The following CHD1L variants were observed in gnomAD, a reference collection of about 807,000 sequenced individuals.
CHD1L encodes the protein chromodomain helicase DNA binding protein 1 like.
A neutral mutation model predicts 115.9 loss-of-function variants in CHD1L; 118 were observed. That is an observed-to-expected ratio of 1.02 (90% CI 0.88 to 1.19). CHD1L has a LOEUF of 1.19. Ranked by LOEUF, CHD1L falls within the 50% of genes most tolerant of loss-of-function variation. The pLI is 0.00. For synonymous variants in CHD1L, 411 were observed against 387.1 expected (o/e 1.06, Z -0.72); for missense variants, 1,179 against 1,065.3 (o/e 1.11, Z -1.49).
the CHD1L span, chr1:147,201,401 C>T: frequency 6.2e-7 from 1 of 1,614,138 alleles, no homozygotes; most frequent in Non-Finnish European, 8.5e-7. Flanking sequence ...TCAAATATGG[C>T]AGCTGTCTCC....
the CHD1L span, among the ~76,000 whole-genome samples, chr1:147,202,551 C>G: frequency 6.6e-6 from 1 of 152,022 alleles, no homozygotes; most frequent in Non-Finnish European, 1.5e-5. Context: ...AACTCCTGAC[C>G]TCGTGATCCT....
intron 14 of CHD1L, among the ~76,000 whole-genome samples, chr1:147,279,394 G>A (rs587677981): frequency 2.2e-4 from 34 of 152,286 alleles, no homozygotes; most frequent in Middle Eastern, 3.4e-3. Context: ...TAGGCTGAGA[G>A]TACTCCAGAG....
At chr1:147,276,332 A>C (rs1678463665) in intron 14 of CHD1L, 75 bp downstream of exon 14, 3 of 1,341,332 alleles carry the variant, frequency 2.2e-6, no homozygotes, top group South Asian at 1.3e-5. Context: ...AATGAAAAGA[A>C]CCAGCACTCA....
chr1:147,215,865 A>C, the CHD1L span: 1 of 1,613,508 alleles, frequency 6.2e-7, no homozygotes, highest in Non-Finnish European at 8.5e-7. Context: ...TTGGATAGTC[A>C]CTGAAGCACA....
At chr1:147,206,937 A>AAT in the CHD1L span, among the ~76,000 whole-genome samples, 5 of 151,782 alleles carry the variant, frequency 3.3e-5, no homozygotes, top group East Asian at 1.9e-4. Context: ...GTATAATAAA[A>AAT]ATATATATAT....
chr1:147,191,498 G>C, the CHD1L span, among the ~76,000 whole-genome samples: 2 of 151,814 alleles, frequency 1.3e-5, no homozygotes, highest in African/African-American at 4.8e-5. Context: ...AGAAGTGTCT[G>C]TTCATATCCT....
At chr1:147,203,875 T>C in the CHD1L span, 1 of 1,581,740 alleles carries the variant, frequency 6.3e-7, no homozygotes, top group South Asian at 1.1e-5. Context: ...CTCCAACTTC[T>C]GAGAGGTAAA....
intron 20 of CHD1L, 25 bp from the exon 21 acceptor site, chr1:147,293,583 G>A: frequency 1.3e-6 from 2 of 1,598,836 alleles, no homozygotes; most frequent in Non-Finnish European, 1.7e-6. Flanking sequence ...TGTTGGGTTG[G>A]TCATCTAATG....
At chr1:147,186,591 T>G in the CHD1L span, 1 of 1,057,438 alleles carries the variant, frequency 9.5e-7, no homozygotes. Context: ...ACAACAAACA[T>G]TTATTAAGCA....
intron 6 of CHD1L, among the ~76,000 whole-genome samples, chr1:147,263,421 C>T: frequency 1.3e-5 from 1 of 79,266 alleles, no homozygotes; most frequent in Admixed American, 1.7e-4. Flanking sequence ...AGAGCAAGAC[C>T]CTGTCTCAAA....
intron 14 of CHD1L, among the ~76,000 whole-genome samples, chr1:147,278,576 A>G (rs1553959701): frequency 6.7e-6 from 1 of 149,374 alleles, no homozygotes; most frequent in Non-Finnish European, 1.5e-5. Context: ...TGTGGTTCTG[A>G]TTTGGTAAAT....
chr1:147,229,516 T>A, the CHD1L span, among the ~76,000 whole-genome samples: 1 of 152,208 alleles, frequency 6.6e-6, no homozygotes, highest in Admixed American at 6.5e-5. Context: ...CCATATGAAC[T>A]TTAAAGTAGT....
At chr1:147,191,864 A>G in the CHD1L span, among the ~76,000 whole-genome samples, 2 of 152,038 alleles carry the variant, frequency 1.3e-5, no homozygotes, top group Non-Finnish European at 2.9e-5. Context: ...TGTTCCATTG[A>G]TCTATATCTC....
intron 2 of CHD1L, 56 bp from the exon 3 acceptor site, chr1:147,254,814 G>C: frequency 1.6e-6 from 2 of 1,279,384 alleles, no homozygotes; most frequent in South Asian, 3.0e-5. Flanking sequence ...GGAACTTCAT[G>C]GTTGTTTCTC....
chr1:147,201,569 A>C, the CHD1L span: 1 of 1,361,468 alleles, frequency 7.3e-7, no homozygotes, highest in Non-Finnish European at 1.0e-6. Flanking sequence ...CACATAAGTA[A>C]AATTTTGCTT....
intron 14 of CHD1L, among the ~76,000 whole-genome samples, chr1:147,276,853 T>C (rs1678676355): frequency 6.6e-6 from 1 of 152,176 alleles, no homozygotes; most frequent in African/African-American, 2.4e-5. Flanking sequence ...TAATATTTCC[T>C]GGATGCTTTG....
rs782241468 is a variant in CHD1L at position 147,280,020 on chromosome 1, T to G, written c.1540-6T>G. 5 of 1,613,698 alleles carry G rather than the reference T, an allele frequency of 3.1e-6. No individual in the cohort carries two copies. The South Asian group carries it at 4.4e-5, about 14-fold the overall frequency. The stretch of plus-strand genomic sequence containing the variant: ...TTGCTGGACTTTTTTGTTTCCTCTA[T>G]TCAAGTTGAGTGAGATACTCAAATT... On this transcript the variant is annotated splice_region_variant and splice_polypyrimidine_tract_variant and intron_variant, in intron 14 of 22. Coordinates refer to ENST00000369258, the MANE Select transcript of CHD1L (RefSeq NM_004284.6).
chr1:147,235,383 A>G, the CHD1L span, among the ~76,000 whole-genome samples: 15 of 152,132 alleles, frequency 9.9e-5, no homozygotes, highest in African/African-American at 3.4e-4. Flanking sequence ...TTGTGAAAAA[A>G]TTTTCATTTA....
intron 19 of CHD1L, among the ~76,000 whole-genome samples, chr1:147,290,894 C>A (rs1162413717): frequency 6.6e-6 from 1 of 152,138 alleles, no homozygotes; most frequent in South Asian, 2.1e-4. Context: ...TTCCAGCAAT[C>A]CTCCCACCTC....
Sources: gnomAD v4.1 joint callset for allele counts (sites outside exome capture counted in the v4.1 genomes callset) on GRCh38, gnomAD v4.1.1 for gene constraint, MANE v1.5 for transcripts, NCBI Gene and HGNC (gene_info 2026-07-23, HGNC 2026-07-21) for gene names.